ARMC6: variants seen among roughly 807,000 people sequenced by gnomAD.
The protein encoded by ARMC6 is armadillo repeat containing 6, also known as armadillo repeat-containing protein 6.
A neutral mutation model predicts 49.2 loss-of-function variants in ARMC6; 43 were observed. That is an observed-to-expected ratio of 0.87 (90% CI 0.69 to 1.13). The LOEUF (loss-of-function observed/expected upper bound fraction) is 1.13. ARMC6 is among the 50% of genes most tolerant of loss of function. ARMC6 has a pLI of 0.00. For synonymous variants in ARMC6, 262 were observed against 289.6 expected, an observed-to-expected ratio of 0.90 and a Z score of 0.97; for missense variants, 627 against 682.0, an observed-to-expected ratio of 0.92 and a Z score of 0.90.
intron 2 of ARMC6, among the ~76,000 whole-genome samples, chr19:19,042,500 A>G (rs567593290): frequency 2.7e-4 from 41 of 152,302 alleles, no homozygotes; most frequent in African/African-American, 9.6e-4. Flanking sequence ...AGGCTAAGCC[A>G]TCACACCCGG....
At chr19:19,046,227 C>T (rs889102539) in intron 4 of ARMC6, among the ~76,000 whole-genome samples, 5 of 152,018 alleles carry the variant, frequency 3.3e-5, no homozygotes, top group Non-Finnish European at 4.4e-5. Context: ...GACAGAGTCT[C>T]GCTCTGTCGC....
chr19:19,046,642 G>A (rs1055369724), intron 4 of ARMC6, among the ~76,000 whole-genome samples: 2 of 151,036 alleles, frequency 1.3e-5, no homozygotes, highest in African/African-American at 4.9e-5. Context: ...TTACAGGCGT[G>A]CACCACCACG....
At chr19:19,048,559 A>AATCT (rs1473908883) in intron 4 of ARMC6, among the ~76,000 whole-genome samples, 8 of 152,278 alleles carry the variant, frequency 5.3e-5, no homozygotes, top group Admixed American at 2.0e-4. Context: ...GAGTTATCTA[A>AATCT]AGACCTAGAA....
chr19:19,056,985 G>A (rs374320115), intron 8 of ARMC6, among the ~76,000 whole-genome samples: 9 of 152,344 alleles, frequency 5.9e-5, no homozygotes, highest in Non-Finnish European at 1.2e-4. Context: ...AGTGCCCCGC[G>A]CCCACCCACA....
chr19:19,033,634 C>A lies in ARMC6; in HGVS notation c.-376C>A, dbSNP rs2059288935. ...CGGCTCTCTTGCGCAAGCGCGCTGT[C>A]CGCTTCTTCTGGGCGGACGCTCTGG... On this transcript the variant is annotated 5_prime_UTR_variant, in exon 1 of 9. Coordinates refer to ENST00000535612, the MANE Select transcript of ARMC6 (RefSeq NM_001199196.2). 8.9e-7 allele frequency: 1 copy of A among 1,127,372 alleles called. No homozygotes were observed. The highest frequency in any genetic ancestry group is 1.6e-5 in the African/African-American group (1 of 61,208). The allele number at this position is 1,127,372 out of a possible 1,614,324, so 69.8% of individuals were successfully genotyped here. A position where few individuals can be genotyped will look rare whatever the true frequency, so the allele number is the denominator to read the frequency against.
intron 2 of ARMC6, among the ~76,000 whole-genome samples, chr19:19,038,554 C>T (rs2059387448): frequency 6.6e-6 from 1 of 152,120 alleles, no homozygotes; most frequent in African/African-American, 2.4e-5. Flanking sequence ...CAGGGTATGC[C>T]TATACTGGGT....
In ARMC6 at chr19:19,040,791, AC is replaced by A. The variant is rs779129911; in HGVS notation, c.30-1919del. The A allele has an allele frequency of 1.1e-3, 481 of 438,792 alleles. 2 individuals carry two copies. The highest frequency in any genetic ancestry group is 6.4e-3 in the Middle Eastern group (19 of 2,976). The allele number at this position is 438,792 out of a possible 1,614,324, so 27.2% of individuals were successfully genotyped here. On this transcript the variant is annotated intron_variant, in intron 2 of 8. Transcript: ENST00000535612. ...GTCTCCCTGATTGCTGGGATTACAG[AC>A]GTGAGCCACCACACCTGGCCCAGAT...
intron 1 of ARMC6, 90 bp from the exon 2 acceptor site, chr19:19,034,041 T>A (rs1350167014): frequency 7.1e-6 from 4 of 560,160 alleles, no homozygotes; most frequent in African/African-American, 6.1e-5. Context: ...AAAAAAAAAA[T>A]GAAAGAATTT....
rs1247272398 is a variant in ARMC6 at position 19,057,409 on chromosome 19, C to T, written c.1294-7C>T. On this transcript the variant is annotated splice_region_variant and splice_polypyrimidine_tract_variant and intron_variant, in intron 8 of 8. Transcript: ENST00000535612. ...ATCTGGCAGCTCACAGCTGCTCTCT[C>T]CTACAGAAACAGGCTTGCATGCTGA... The T allele has an allele frequency of 5.0e-6, 8 of 1,611,540 alleles. No individual in the cohort carries two copies. Among genetic ancestry groups the T allele is most frequent in the African/African-American group, 1.3e-5 (1 of 74,888 alleles).
chr19:19,033,867 T>A lies in ARMC6; in HGVS notation c.-143T>A. The A allele has an allele frequency of 2.8e-6, 1 of 351,388 alleles. No homozygotes were observed. The highest frequency in any genetic ancestry group is 5.2e-6 in the Non-Finnish European group (1 of 191,146). The allele number at this position is 351,388 out of a possible 1,614,324, so 21.8% of individuals were successfully genotyped here. ...CGCGCGTACGGCGGCCGGAAGGGGC[T>A]AGAGGCGGCTCCCTGGGTGACAACC... On this transcript the variant is annotated 5_prime_UTR_variant, in exon 1 of 9. Transcript: ENST00000535612.
At chr19:19,040,597 C>T (rs763945283) in intron 2 of ARMC6, 2 of 246,082 alleles carry the variant, frequency 8.1e-6, no homozygotes, top group Non-Finnish European at 1.7e-5. Flanking sequence ...GATTCTTGGC[C>T]AGTTTTCAGA....
chr19:19,042,363 T>A (rs531460018), intron 2 of ARMC6, among the ~76,000 whole-genome samples: 7 of 152,162 alleles, frequency 4.6e-5, no homozygotes, highest in African/African-American at 1.4e-4. Flanking sequence ...TGTTTTTTTT[T>A]CCCAAGACAG....
Position 19,034,166 on chromosome 19 carries a change from C to T in ARMC6, c.-44C>T. 1 of 1,471,536 alleles carries T rather than the reference C, an allele frequency of 6.8e-7. No homozygotes were observed. The highest frequency in any genetic ancestry group is 9.4e-7 in the Non-Finnish European group (1 of 1,068,762). 91.2% of individuals were successfully genotyped at this position (1,471,536 alleles called of 1,614,324 possible). ...CTGAGTGCCTGCTGCGTGTCGGGCC[C>T]CGTCCTAGGCAGTGGGGACAAGGAG... On this transcript the variant is annotated 5_prime_UTR_variant, in exon 2 of 9. Transcript: ENST00000535612.
At chr19:19,043,494 C>T (rs2059425606) in intron 3 of ARMC6, among the ~76,000 whole-genome samples, 1 of 152,170 alleles carries the variant, frequency 6.6e-6, no homozygotes, top group South Asian at 2.1e-4. Context: ...CAGGGTACAG[C>T]CTGAGAGGTC....
chr19:19,036,793 C>T (rs547028948), intron 2 of ARMC6, among the ~76,000 whole-genome samples: 3 of 152,326 alleles, frequency 2.0e-5, no homozygotes, highest in South Asian at 4.1e-4. Context: ...CTGTCCATAT[C>T]CTGTTCTGAG....
intron 2 of ARMC6, among the ~76,000 whole-genome samples, chr19:19,036,057 T>TG (rs150468318): frequency 0.023 from 3,503 of 152,114 alleles, 131 homozygotes; most frequent in African/African-American, 0.08. Flanking sequence ...AGGTTTTGTT[T>TG]CTTGTTTTTT....
In ARMC6 at chr19:19,058,016, G is replaced by C. The variant is rs1312679812; in HGVS notation, c.*388G>C. ...TTCCAGTGGGGTTGGGCCCCCTGGC[G>C]CCTGCTGCTTACTGCAGTTTCATGC... On this transcript the variant is annotated 3_prime_UTR_variant, in exon 9 of 9. Transcript: ENST00000535612. The C allele has an allele frequency of 5.9e-6, 2 of 337,802 alleles. No individual in the cohort carries two copies. Among genetic ancestry groups the C allele is most frequent in the Non-Finnish European group, 1.1e-5 (2 of 174,788 alleles). The allele number at this position is 337,802 out of a possible 1,614,324, so 20.9% of individuals were successfully genotyped here.
In ARMC6 at chr19:19,042,811, A is replaced by G. The variant is rs767503798; in HGVS notation, c.130A>G (p.Ile44Val). 3 of 1,613,930 alleles carry G rather than the reference A, an allele frequency of 1.9e-6. No individual in the cohort carries two copies. In the East Asian group the frequency reaches 6.7e-5, roughly 36 times the overall value. Residue 44 changes from isoleucine (I) to valine (V), a missense_variant, in exon 3 of 9, where the codon ATC becomes GTC. Ile to Val is a conservative substitution (Grantham distance 29). Coordinates refer to ENST00000535612, the MANE Select transcript of ARMC6 (RefSeq NM_001199196.2). ...CTTTGATGCAGCTGTGCGCGAGAAC[A>G]TCGAGGAGTTTGCGATGGGGCCAGA... ...ETFDAAVRENIEEFAMGPEEA... is the reference protein window; with the variant it reads ...ETFDAAVRENVEEFAMGPEEA...
At chr19:19,034,536 T>A (rs115334536) in intron 2 of ARMC6, among the ~76,000 whole-genome samples, 1 of 152,218 alleles carries the variant, frequency 6.6e-6, no homozygotes, top group Admixed American at 6.5e-5. Flanking sequence ...TGGGTGTGGC[T>A]GGTAGAGGGA....
Sources: allele counts gnomAD v4.1 joint callset (sites outside exome capture counted in the v4.1 genomes callset), GRCh38; gene constraint gnomAD v4.1.1; transcripts MANE v1.5; gene names NCBI Gene and HGNC (gene_info 2026-07-23, HGNC 2026-07-21).